The following KCNQ5 variants were observed in gnomAD, a reference collection of about 807,000 sequenced individuals.
KCNQ5 encodes potassium voltage-gated channel subfamily KQT member 5.
Under a neutral mutation model 98.2 loss-of-function variants are expected in KCNQ5, and 30 were observed. That is an observed-to-expected ratio of 0.31 (90% CI 0.23 to 0.41). The LOEUF (loss-of-function observed/expected upper bound fraction) is 0.41, where lower values mean the gene tolerates loss of function less well. KCNQ5 is among the 10% of genes least tolerant of loss of function. The probability of loss-of-function intolerance (pLI) is 1.00; values close to 1 mark genes in which losing one functional copy is unlikely to be tolerated. For missense variants in KCNQ5, 835 were observed against 1,182.5 expected (o/e 0.71, Z 4.31); for synonymous variants, 458 against 449.4 (o/e 1.02, Z -0.24).
At chr6:72,923,144 T>G (rs1780482228) in intron 1 of KCNQ5, among the ~76,000 whole-genome samples, 1 of 152,204 alleles carries the variant, frequency 6.6e-6, no homozygotes, top group African/African-American at 2.4e-5. Flanking sequence ...TACCTGTTGA[T>G]GGACACTTAG....
At chr6:72,875,479 T>C (rs1484229819) in intron 1 of KCNQ5, among the ~76,000 whole-genome samples, 1 of 152,200 alleles carries the variant, frequency 6.6e-6, no homozygotes, top group Non-Finnish European at 1.5e-5. Context: ...ACCAGTTTTC[T>C]CAGATACACA....
chr6:73,010,128 A>G (rs754017181), intron 2 of KCNQ5, among the ~76,000 whole-genome samples: 1 of 152,170 alleles, frequency 6.6e-6, no homozygotes. Flanking sequence ...TCGTATATTT[A>G]CCAGAATATT....
At chr6:73,085,105 C>T (rs141497207) in intron 5 of KCNQ5, among the ~76,000 whole-genome samples, 37 of 152,268 alleles carry the variant, frequency 2.4e-4, no homozygotes, top group Non-Finnish European at 4.0e-4. Flanking sequence ...ATCTATGCAG[C>T]GCTCATCTAA....
rs114490848 is a variant in KCNQ5, at chr6:72,888,465, G to A, written c.399-115443G>A. On this transcript the variant is annotated intron_variant, in intron 1 of 13. Transcript: ENST00000370398. The stretch of plus-strand genomic sequence containing the variant: ...ACTGTTAGACTTTATCTTGAAAAAT[G>A]CAGAAAATCACTGAAGAACCTTAAG... Among the ~76,000 whole-genome samples, 1,053 of 152,266 alleles carry A rather than the reference G, an allele frequency of 6.9e-3. 11 individuals are homozygous for A. The highest frequency in any genetic ancestry group is 0.022 in the African/African-American group (910 of 41,554).
chr6:73,032,417 C>T (rs1771192231), intron 2 of KCNQ5, among the ~76,000 whole-genome samples: 1 of 152,104 alleles, frequency 6.6e-6, no homozygotes, highest in South Asian at 2.1e-4. Flanking sequence ...ATCTGCTTAC[C>T]AAGGTCTCCC....
intron 5 of KCNQ5, among the ~76,000 whole-genome samples, chr6:73,093,283 G>T (rs1051561557): frequency 2.0e-5 from 3 of 151,928 alleles, no homozygotes; most frequent in African/African-American, 7.2e-5. Flanking sequence ...GAGCTAATTT[G>T]CATTTTCTCT....
intron 1 of KCNQ5, among the ~76,000 whole-genome samples, chr6:72,974,883 G>A (rs1768087327): frequency 6.6e-6 from 1 of 151,922 alleles, no homozygotes; most frequent in African/African-American, 2.4e-5. Flanking sequence ...GGGACTACAG[G>A]TGCACGGCAC....
intron 1 of KCNQ5, among the ~76,000 whole-genome samples, chr6:72,982,984 T>C (rs879304949): frequency 6.6e-6 from 1 of 152,232 alleles, no homozygotes; most frequent in Non-Finnish European, 1.5e-5. Context: ...TCTTTAAGAA[T>C]ATTGAATATT....
chr6:72,768,534 G>A (rs1338621334), intron 1 of KCNQ5, among the ~76,000 whole-genome samples: 4 of 152,022 alleles, frequency 2.6e-5, no homozygotes, highest in African/African-American at 9.7e-5. Flanking sequence ...GAAATTGATG[G>A]TACAAATGGG....
At chr6:73,170,331 C>G (rs1190377567) in intron 11 of KCNQ5, among the ~76,000 whole-genome samples, 1 of 151,872 alleles carries the variant, frequency 6.6e-6, no homozygotes, top group African/African-American at 2.4e-5. Context: ...TTGTTAAAGG[C>G]TGATCTTAAT....
At chr6:72,768,725 T>C (rs1343602527) in intron 1 of KCNQ5, among the ~76,000 whole-genome samples, 1 of 152,032 alleles carries the variant, frequency 6.6e-6, no homozygotes, top group Non-Finnish European at 1.5e-5. Context: ...ATTAATGGGC[T>C]TCTTTATAGT....
chr6:72,798,109 T>TA (rs1774436102), intron 1 of KCNQ5, among the ~76,000 whole-genome samples: 1 of 152,128 alleles, frequency 6.6e-6, no homozygotes, highest in South Asian at 2.1e-4. Flanking sequence ...CTCTAATACT[T>TA]AAAAAACAGA....
chr6:73,142,745 G>T (rs1776772346), intron 10 of KCNQ5, among the ~76,000 whole-genome samples: 1 of 151,978 alleles, frequency 6.6e-6, no homozygotes, highest in Non-Finnish European at 1.5e-5. Flanking sequence ...GTGAAACCCT[G>T]TCTCTACTAA....
chr6:72,828,007 C>T (rs963994784), intron 1 of KCNQ5, among the ~76,000 whole-genome samples: 3 of 151,872 alleles, frequency 2.0e-5, no homozygotes, highest in Non-Finnish European at 2.9e-5. Flanking sequence ...AATGAGTGTT[C>T]TAGGAACCTT....
chr6:72,977,669 A>C (rs908154164), intron 1 of KCNQ5, among the ~76,000 whole-genome samples: 3 of 152,096 alleles, frequency 2.0e-5, no homozygotes, highest in African/African-American at 7.2e-5. Context: ...TTTCAGTGAG[A>C]GAGACCTTCC....
intron 1 of KCNQ5, among the ~76,000 whole-genome samples, chr6:72,780,968 A>AG (rs1773434433): frequency 1.3e-5 from 2 of 152,192 alleles, no homozygotes; most frequent in Non-Finnish European, 2.9e-5. Context: ...TATTTTTCAT[A>AG]GTTTTCTTGT....
At chr6:73,099,850 A>G (rs1334314237) in intron 5 of KCNQ5, among the ~76,000 whole-genome samples, 3 of 152,216 alleles carry the variant, frequency 2.0e-5, no homozygotes, top group Admixed American at 1.3e-4. Flanking sequence ...TATTTATAGA[A>G]CATTTCATCC....
intron 1 of KCNQ5, among the ~76,000 whole-genome samples, chr6:72,846,773 T>G (rs55931355): frequency 0.17 from 26,256 of 152,146 alleles, 3,304 homozygotes; most frequent in African/African-American, 0.36. Flanking sequence ...CATCCTCAAA[T>G]GGTGAAAATG....
At chr6:72,658,159 T>A (rs1240934646) in intron 1 of KCNQ5, among the ~76,000 whole-genome samples, 2 of 152,200 alleles carry the variant, frequency 1.3e-5, no homozygotes, top group Admixed American at 6.5e-5. Flanking sequence ...AGAGAATAAA[T>A]GCCCAGGAAG....
Sources: gnomAD v4.1 joint callset for allele counts (sites outside exome capture counted in the v4.1 genomes callset) on GRCh38, gnomAD v4.1.1 for gene constraint, MANE v1.5 for transcripts, NCBI Gene and HGNC (gene_info 2026-07-23, HGNC 2026-07-21) for gene names.